STIM2: variants seen among roughly 807,000 people sequenced by gnomAD.
The protein encoded by STIM2 is stromal interaction molecule 2.
In STIM2, 31 loss-of-function variants were observed where a neutral mutation model predicts 85.8. That is an observed-to-expected ratio of 0.36 (90% CI 0.27 to 0.49). STIM2 has a LOEUF of 0.49. STIM2 is among the 20% of genes least tolerant of loss of function. STIM2 has a pLI of 0.98. For missense variants in STIM2, 841 were observed against 927.6 expected (o/e 0.91, Z 1.21); for synonymous variants, 356 against 331.1 (o/e 1.08, Z -0.82).
At chr4:26,903,101 G>T (rs1351369870) in intron 1 of STIM2, among the ~76,000 whole-genome samples, 1 of 151,988 alleles carries the variant, frequency 6.6e-6, no homozygotes, top group African/African-American at 2.4e-5. Context: ...AGAGTTCTAC[G>T]AAATAGTAAA....
intron 3 of STIM2, among the ~76,000 whole-genome samples, chr4:26,969,616 AT>A (rs1158164154): frequency 6.6e-6 from 1 of 152,124 alleles, no homozygotes; most frequent in African/African-American, 2.4e-5. Context: ...AGTTGTCTAA[AT>A]TTCTCTCATC....
At chr4:26,869,681 T>C (rs557751608) in intron 1 of STIM2, among the ~76,000 whole-genome samples, 2 of 152,062 alleles carry the variant, frequency 1.3e-5, no homozygotes, top group South Asian at 2.1e-4. Context: ...AGATGGCTAA[T>C]TAAAAAAAAC....
chr4:26,865,907 A>G (rs1722389850), intron 1 of STIM2, among the ~76,000 whole-genome samples: 2 of 152,118 alleles, frequency 1.3e-5, no homozygotes, highest in South Asian at 2.1e-4. Context: ...AACTGTTCCT[A>G]TGTGTTAGTA....
chr4:26,921,704 A>G (rs1234275525), intron 2 of STIM2, among the ~76,000 whole-genome samples: 1 of 152,090 alleles, frequency 6.6e-6, no homozygotes, highest in African/African-American at 2.4e-5. Flanking sequence ...TTCTGTTCTA[A>G]TCTAGGTATT....
intron 3 of STIM2, among the ~76,000 whole-genome samples, chr4:26,990,144 T>A (rs1182722676): frequency 8.4e-6 from 1 of 119,506 alleles, no homozygotes; most frequent in Non-Finnish European, 1.7e-5. Flanking sequence ...CATGAATATC[T>A]ATAGCAATTC....
At chr4:26,909,118 A>T (rs62302474) in intron 1 of STIM2, among the ~76,000 whole-genome samples, 22,872 of 152,240 alleles carry the variant, frequency 0.15, 2,006 homozygotes, top group Middle Eastern at 0.3. Context: ...TGTTAAGGTA[A>T]CAGTAATATA....
chr4:26,972,166 T>C (rs559275786), intron 3 of STIM2, among the ~76,000 whole-genome samples: 4 of 152,308 alleles, frequency 2.6e-5, no homozygotes, highest in African/African-American at 9.6e-5. Context: ...TTTCTAAATA[T>C]ACAATCATGT....
chr4:26,937,409 C>T (rs756393518), intron 2 of STIM2, among the ~76,000 whole-genome samples: 5 of 152,086 alleles, frequency 3.3e-5, no homozygotes, highest in Non-Finnish European at 7.3e-5. Context: ...CACTCCTTCC[C>T]TCAGCCTTTT....
chr4:26,991,945 G>T (rs1354136364), intron 3 of STIM2, among the ~76,000 whole-genome samples: 1 of 152,032 alleles, frequency 6.6e-6, no homozygotes, highest in Non-Finnish European at 1.5e-5. Context: ...TGCAGATTGG[G>T]AAAGATACCT....
At chr4:26,919,439 T>C in intron 1 of STIM2, 65 bp from the exon 2 acceptor site, 1 of 1,585,938 alleles carries the variant, frequency 6.3e-7, no homozygotes, top group African/African-American at 1.4e-5. Flanking sequence ...TTTTAAATTA[T>C]ACTCTCTAAC....
intron 1 of STIM2, among the ~76,000 whole-genome samples, chr4:26,888,991 G>A (rs1359630846): frequency 2.6e-5 from 4 of 152,106 alleles, no homozygotes; most frequent in African/African-American, 7.2e-5. Context: ...TCTTAATGTC[G>A]GTTCAGTGGA....
rs548813056 is a variant in STIM2 at position 27,018,675 on chromosome 4, C to T, written c.1763+691C>T. On this transcript the variant is annotated intron_variant, in intron 11 of 11. Transcript: ENST00000467087. ...GGGAGCCATCTTAGAATTCTGCCTA[C>T]CACAGACATGTAGGTAGATATTTTG... Among the ~76,000 whole-genome samples, 38 of 152,284 alleles carry T rather than the reference C, an allele frequency of 2.5e-4. 1 individual carries two copies. Among genetic ancestry groups the T allele is most frequent in the African/African-American group, 8.7e-4 (36 of 41,548 alleles).
At chr4:26,954,446 T>C (rs1367719419) in intron 2 of STIM2, among the ~76,000 whole-genome samples, 1 of 136,186 alleles carries the variant, frequency 7.3e-6, no homozygotes, top group East Asian at 1.9e-4. Context: ...ATTTGAAGAC[T>C]CACTTCATTG....
intron 10 of STIM2, among the ~76,000 whole-genome samples, chr4:27,009,538 A>G (rs892337273): frequency 6.6e-6 from 1 of 152,212 alleles, no homozygotes; most frequent in African/African-American, 2.4e-5. Context: ...CTCTACCACT[A>G]ACTAACTCCA....
chr4:26,957,813 A>AT (rs1726307796), intron 3 of STIM2, 87 bp downstream of exon 3: 7 of 774,330 alleles, frequency 9.0e-6, no homozygotes, highest in Non-Finnish European at 1.5e-5. Flanking sequence ...GTATGCTTTT[A>AT]CCAAAAAAAT....
intron 1 of STIM2, among the ~76,000 whole-genome samples, chr4:26,871,147 A>G (rs1045173813): frequency 6.6e-6 from 1 of 152,156 alleles, no homozygotes; most frequent in East Asian, 1.9e-4. Context: ...TGCATGTGGG[A>G]TTTAAATTTT....
intron 1 of STIM2, among the ~76,000 whole-genome samples, chr4:26,866,731 C>G (rs763458160): frequency 1.3e-5 from 2 of 152,126 alleles, no homozygotes; most frequent in Admixed American, 6.5e-5. Context: ...CGGCTGTATA[C>G]TGGCAAGAAT....
intron 1 of STIM2, among the ~76,000 whole-genome samples, chr4:26,914,714 T>G (rs1336695007): frequency 6.6e-6 from 1 of 152,220 alleles, no homozygotes; most frequent in African/African-American, 2.4e-5. Flanking sequence ...ATACAATGCA[T>G]GTTCCCAATC....
intron 3 of STIM2, among the ~76,000 whole-genome samples, chr4:26,968,920 A>T (rs1445141519): frequency 6.6e-6 from 1 of 152,164 alleles, no homozygotes; most frequent in Non-Finnish European, 1.5e-5. Context: ...TTAAAAAATA[A>T]TTCAGCAATT....
Sources: allele counts gnomAD v4.1 joint callset (sites outside exome capture counted in the v4.1 genomes callset), GRCh38; gene constraint gnomAD v4.1.1; transcripts MANE v1.5; gene names NCBI Gene and HGNC (gene_info 2026-07-23, HGNC 2026-07-21).